Variants in CA10 observed in about 807,000 individuals in gnomAD.
The protein encoded by CA10 is carbonic anhydrase 10 (inactive).
Under a neutral mutation model 44.2 loss-of-function variants are expected in CA10, and 14 were observed. The ratio of observed to expected loss-of-function variants is 0.32; its 90% CI spans 0.21 to 0.50. CA10 has a LOEUF of 0.50. Among genes scored for constraint, CA10 ranks in the 20% least tolerant of loss-of-function variants. The pLI is 0.99. For missense variants in CA10, 350 were observed against 409.7 expected, an observed-to-expected ratio of 0.85 and a Z score of 1.26; for synonymous variants, 159 against 141.6, an observed-to-expected ratio of 1.12 and a Z score of -0.87.
Position 52,032,245 on chromosome 17 carries a change from T to C in CA10, c.136+40074A>G, listed in dbSNP as rs57069652. On this transcript the variant is annotated intron_variant, in intron 2 of 8. Transcript: ENST00000451037. ...TAATACCTTACAGGAGCAGATGAAC[T>C]AGTATTTCCAAGGCAACCAAAGGAT... Among the ~76,000 whole-genome samples, 129 of 152,318 alleles carry C rather than the reference T, an allele frequency of 8.5e-4. 2 individuals are homozygous for C. The East Asian group carries it at 0.019, about 22-fold the overall frequency.
intron 3 of CA10, among the ~76,000 whole-genome samples, chr17:51,893,895 T>C (rs182577008): frequency 4.6e-5 from 7 of 152,252 alleles, no homozygotes; most frequent in Non-Finnish European, 1.0e-4. Context: ...TTTTGAAAAA[T>C]ATTTGTTACA....
At chr17:51,703,511 C>A (rs1915666384) in intron 4 of CA10, among the ~76,000 whole-genome samples, 2 of 151,948 alleles carry the variant, frequency 1.3e-5, no homozygotes, top group African/African-American at 2.4e-5. Flanking sequence ...CCCACCCCAC[C>A]CATCCATATT....
intron 2 of CA10, among the ~76,000 whole-genome samples, chr17:52,042,078 G>C (rs1048872591): frequency 5.3e-5 from 8 of 152,054 alleles, no homozygotes; most frequent in African/African-American, 1.9e-4. Context: ...GCATCTTAGA[G>C]ATACTGATGT....
intron 6 of CA10, among the ~76,000 whole-genome samples, chr17:51,639,799 G>A (rs913019623): frequency 1.3e-5 from 2 of 152,198 alleles, no homozygotes; most frequent in Non-Finnish European, 2.9e-5. Context: ...TGACTTTGCT[G>A]CTCACTCTCC....
chr17:51,933,264 A>G (rs1255147894), intron 2 of CA10, among the ~76,000 whole-genome samples: 3 of 152,176 alleles, frequency 2.0e-5, no homozygotes, highest in Non-Finnish European at 4.4e-5. Flanking sequence ...TGGAGAGATT[A>G]TCTAGGATTA....
In CA10 at chr17:51,759,411, A is replaced by G. The variant is rs117497028; in HGVS notation, c.280-11593T>C. Among the ~76,000 whole-genome samples, 926 of 148,246 alleles carry G rather than the reference A, an allele frequency of 6.2e-3. 6 individuals are homozygous for G. Among genetic ancestry groups the G allele is most frequent in the Non-Finnish European group, 7.9e-3 (529 of 67,262 alleles). On this transcript the variant is annotated intron_variant, in intron 3 of 8. Transcript: ENST00000451037. Reference sequence around the variant, plus strand: ...GTGTGCTTAAAATATATTTTAATATATCAAATATATTTAATATATGTAAAT... The same window carrying G: ...GTGTGCTTAAAATATATTTTAATATGTCAAATATATTTAATATATGTAAAT...
At chr17:51,821,216 A>T (rs906208188) in intron 3 of CA10, among the ~76,000 whole-genome samples, 5 of 149,224 alleles carry the variant, frequency 3.4e-5, no homozygotes, top group Non-Finnish European at 7.4e-5. Context: ...TGGGTAGATG[A>T]AACCAAATGA....
intron 3 of CA10, among the ~76,000 whole-genome samples, chr17:51,830,433 A>AT (rs1250522569): frequency 6.6e-6 from 1 of 151,928 alleles, no homozygotes; most frequent in Non-Finnish European, 1.5e-5. Context: ...TAAAAAAAAA[A>AT]CAAACAATTT....
intron 4 of CA10, among the ~76,000 whole-genome samples, chr17:51,688,945 G>T (rs918665008): frequency 6.6e-5 from 10 of 152,290 alleles, no homozygotes; most frequent in Admixed American, 2.0e-4. Context: ...ATTGACTCAT[G>T]TAATTGTTAC....
chr17:51,878,906 G>GTGTGTGTGTA (rs1980234068), intron 3 of CA10, among the ~76,000 whole-genome samples: 1 of 119,524 alleles, frequency 8.4e-6, no homozygotes, highest in Non-Finnish European at 1.7e-5. Context: ...GTGTGTGTGT[G>GTGTGTGTGTA]TGTGTGTATG....
At chr17:51,703,054 A>G (rs963756979) in intron 4 of CA10, among the ~76,000 whole-genome samples, 3 of 152,146 alleles carry the variant, frequency 2.0e-5, no homozygotes, top group African/African-American at 4.8e-5. Context: ...CCCGTTTAGC[A>G]GAGAAGGAGA....
At chr17:51,806,858 G>T (rs779660409) in intron 3 of CA10, among the ~76,000 whole-genome samples, 4 of 152,210 alleles carry the variant, frequency 2.6e-5, no homozygotes, top group Admixed American at 6.5e-5. Flanking sequence ...GCACCTATAA[G>T]ATAACAGGCA....
At chr17:52,100,067 G>A (rs1017657849) in intron 1 of CA10, among the ~76,000 whole-genome samples, 1 of 152,196 alleles carries the variant, frequency 6.6e-6, no homozygotes, top group Admixed American at 6.5e-5. Flanking sequence ...TATGTGAACG[G>A]AGTGAAGAGA....
intron 2 of CA10, among the ~76,000 whole-genome samples, chr17:51,957,654 C>T (rs929747974): frequency 2.0e-5 from 3 of 152,132 alleles, no homozygotes; most frequent in Admixed American, 2.0e-4. Flanking sequence ...AATTCCATCA[C>T]TGCCCAAACC....
intron 3 of CA10, among the ~76,000 whole-genome samples, chr17:51,784,066 AC>A (rs1275755661): frequency 6.6e-6 from 1 of 151,658 alleles, no homozygotes; most frequent in African/African-American, 2.4e-5. Context: ...ATGGTACCTG[AC>A]CCCCCTTCTC....
At chr17:51,884,179 C>T (rs1486518239) in intron 3 of CA10, among the ~76,000 whole-genome samples, 3 of 152,170 alleles carry the variant, frequency 2.0e-5, no homozygotes, top group African/African-American at 7.2e-5. Context: ...CACCCTTTCC[C>T]TGGATTGTTG....
At chr17:51,910,028 C>T (rs985247440) in intron 3 of CA10, among the ~76,000 whole-genome samples, 4 of 152,078 alleles carry the variant, frequency 2.6e-5, no homozygotes, top group East Asian at 1.9e-4. Flanking sequence ...CTCCTCTTAT[C>T]GTCATCGTTT....
intron 4 of CA10, among the ~76,000 whole-genome samples, chr17:51,687,027 G>A (rs765254454): frequency 6.6e-6 from 1 of 152,148 alleles, no homozygotes; most frequent in Non-Finnish European, 1.5e-5. Context: ...TTAAAACCAG[G>A]TCATGTCACA....
chr17:51,974,152 G>A lies in CA10; in HGVS notation c.137-43020C>T, dbSNP rs1158031807. 2.6e-5 allele frequency among the ~76,000 whole-genome samples: 4 copies of A among 152,080 alleles called. No homozygotes were observed. In the East Asian group the frequency reaches 7.7e-4, roughly 29 times the overall value. On this transcript the variant is annotated intron_variant, in intron 2 of 8. Coordinates refer to ENST00000451037, the MANE Select transcript of CA10 (RefSeq NM_020178.5). The stretch of plus-strand genomic sequence containing the variant: ...TGTAATCCCAGCACTTTGGGAGGTA[G>A]AGGCAGGCAGATCACGAGGTCAGGA...
Sources: allele counts gnomAD v4.1 joint callset (sites outside exome capture counted in the v4.1 genomes callset), GRCh38; gene constraint gnomAD v4.1.1; transcripts MANE v1.5; gene names NCBI Gene and HGNC (gene_info 2026-07-23, HGNC 2026-07-21).